The following SPATS2 variants were observed in gnomAD, a reference collection of about 807,000 sequenced individuals.
SPATS2 encodes the protein spermatogenesis-associated serine-rich protein 2.
Under a neutral mutation model 63.7 loss-of-function variants are expected in SPATS2, and 38 were observed. The ratio of observed to expected loss-of-function variants is 0.60; its 90% CI spans 0.46 to 0.78. The LOEUF (loss-of-function observed/expected upper bound fraction) is 0.78, where lower values mean the gene tolerates loss of function less well. SPATS2 is among the 30% of genes least tolerant of loss of function. The pLI, the probability that SPATS2 is intolerant of heterozygous loss-of-function variation, is 0.00. For missense variants in SPATS2, 588 were observed against 666.2 expected (o/e 0.88, Z 1.29); for synonymous variants, 207 against 232.9 (o/e 0.89, Z 1.01).
chr12:49,398,135 C>CAAAAAAAAAAAAAAAAA (rs71080193), intron 2 of SPATS2, among the ~76,000 whole-genome samples: 1 of 45,394 alleles, frequency 2.2e-5, no homozygotes, highest in Non-Finnish European at 4.1e-5. Flanking sequence ...GACCCTGTCT[C>CAAAAAAAAAAAAAAAAA]AAAAAAAAAA....
intron 2 of SPATS2, among the ~76,000 whole-genome samples, chr12:49,381,012 T>C (rs930244270): frequency 2.0e-5 from 3 of 151,984 alleles, no homozygotes; most frequent in Non-Finnish European, 4.4e-5. Context: ...CAGCAACGTA[T>C]GAGGAGTCTG....
intron 2 of SPATS2, among the ~76,000 whole-genome samples, chr12:49,409,615 T>C (rs1944760912): frequency 6.8e-6 from 1 of 146,090 alleles, no homozygotes; most frequent in Non-Finnish European, 1.5e-5. Flanking sequence ...TTTTTTTTTT[T>C]TTTTCAGATG....
At chr12:49,521,173 C>G (rs542150762) in intron 11 of SPATS2, among the ~76,000 whole-genome samples, 1 of 152,298 alleles carries the variant, frequency 6.6e-6, no homozygotes, top group Admixed American at 6.5e-5. Flanking sequence ...CACACCTGTG[C>G]CCTTTACCTC....
chr12:49,459,254 C>T (rs1310080548), intron 2 of SPATS2, among the ~76,000 whole-genome samples: 1 of 152,118 alleles, frequency 6.6e-6, no homozygotes, highest in Non-Finnish European at 1.5e-5. Context: ...GACTTGTGTG[C>T]TAGAAGATAA....
chr12:49,410,264 C>CG (rs1227183956), intron 2 of SPATS2, among the ~76,000 whole-genome samples: 2 of 151,482 alleles, frequency 1.3e-5, no homozygotes, highest in Non-Finnish European at 2.9e-5. Flanking sequence ...TTAGTAGAGA[C>CG]GGGGTTTCAC....
chr12:49,497,407 T>TCC (rs763459132), intron 8 of SPATS2, among the ~76,000 whole-genome samples: 1 of 149,276 alleles, frequency 6.7e-6, no homozygotes, highest in African/African-American at 2.5e-5. Context: ...TTTTTTTTTT[T>TCC]CCCCCGAGAC....
intron 3 of SPATS2, among the ~76,000 whole-genome samples, chr12:49,466,459 C>G (rs187105502): frequency 6.6e-6 from 1 of 152,102 alleles, no homozygotes; most frequent in South Asian, 2.1e-4. Context: ...TGAGCCACCC[C>G]GCCTGGCTGA....
Position 49,383,238 on chromosome 12 carries a change from C to T in SPATS2, c.-244+11948C>T, listed in dbSNP as rs1410147570. 4.6e-5 allele frequency among the ~76,000 whole-genome samples: 7 copies of T among 151,942 alleles called. No homozygotes were observed. The East Asian group carries it at 7.7e-4, about 17-fold the overall frequency. The stretch of plus-strand genomic sequence containing the variant: ...TTCACCATGTTTGCCAGGCTGGTCT[C>T]GAATTCCTGACCTCAGGTGATCCGC... On this transcript the variant is annotated intron_variant, in intron 2 of 13. Transcript: ENST00000552918.
chr12:49,526,339 T>C lies in SPATS2; in HGVS notation c.*84T>C. 1 of 1,455,958 alleles carries C rather than the reference T, an allele frequency of 6.9e-7. No homozygotes were observed. The highest frequency in any genetic ancestry group is 9.1e-7 in the Non-Finnish European group (1 of 1,094,762). 90.2% of individuals were successfully genotyped at this position (1,455,958 alleles called of 1,614,324 possible). A position where few individuals can be genotyped will look rare whatever the true frequency, so the allele number is the denominator to read the frequency against. On this transcript the variant is annotated 3_prime_UTR_variant, in exon 14 of 14. Coordinates refer to ENST00000552918, the MANE Select transcript of SPATS2 (RefSeq NM_023071.4). Reference sequence around the variant, plus strand: ...TTAGGAAACTTACAGTTAGATGTAATAACAAAAAGAAGTTTATGCGTATCA... The same window carrying C: ...TTAGGAAACTTACAGTTAGATGTAACAACAAAAAGAAGTTTATGCGTATCA...
chr12:49,507,090 C>G (rs1213029187), intron 9 of SPATS2, among the ~76,000 whole-genome samples: 2 of 152,170 alleles, frequency 1.3e-5, no homozygotes, highest in Non-Finnish European at 2.9e-5. Flanking sequence ...AATACTCCAT[C>G]TGAATATTCA....
At chr12:49,462,130 C>CT (rs1945831472) in intron 3 of SPATS2, 1 of 565,196 alleles carries the variant, frequency 1.8e-6, no homozygotes, top group Non-Finnish European at 3.1e-6. Context: ...TTACTTTGAC[C>CT]TTTTTAAAAC....
Position 49,495,016 on chromosome 12 carries a change from C to T in SPATS2, c.526+14C>T. The T allele has an allele frequency of 6.6e-7, 1 of 1,526,488 alleles. No individual in the cohort carries two copies. Among genetic ancestry groups the T allele is most frequent in the Non-Finnish European group, 8.8e-7 (1 of 1,135,900 alleles). The allele number at this position is 1,526,488 out of a possible 1,614,324, so 94.6% of individuals were successfully genotyped here. ...TGGATAGAACAGGTGAGTTTATTAACAGATTTTGAAAAAGTTGCATTCAGT... is the reference window on the plus strand; with the variant it reads ...TGGATAGAACAGGTGAGTTTATTAATAGATTTTGAAAAAGTTGCATTCAGT... On this transcript the variant is annotated intron_variant, in intron 7 of 13. Coordinates refer to ENST00000552918, the MANE Select transcript of SPATS2 (RefSeq NM_023071.4).
At chr12:49,505,074 T>C (rs1023931631) in intron 9 of SPATS2, among the ~76,000 whole-genome samples, 1 of 152,042 alleles carries the variant, frequency 6.6e-6, no homozygotes, top group Non-Finnish European at 1.5e-5. Context: ...CAGAGCTTTT[T>C]TTTTTAACGT....
chr12:49,435,019 T>C (rs1014102146), intron 2 of SPATS2, among the ~76,000 whole-genome samples: 10 of 149,726 alleles, frequency 6.7e-5, no homozygotes, highest in African/African-American at 2.2e-4. Flanking sequence ...CTTAACTGAA[T>C]GGCTTTTTTT....
chr12:49,518,991 C>A, intron 10 of SPATS2, 82 bp from the exon 11 acceptor site: 2 of 1,109,336 alleles, frequency 1.8e-6, no homozygotes, highest in Non-Finnish European at 2.6e-6. Context: ...TGACCAAATA[C>A]CTACTGCAAG....
chr12:49,504,220 A>G (rs1309032253), intron 9 of SPATS2, among the ~76,000 whole-genome samples: 2 of 152,210 alleles, frequency 1.3e-5, no homozygotes, highest in African/African-American at 4.8e-5. Context: ...ACAAGGCACT[A>G]GGGAAATTAT....
chr12:49,422,639 G>T (rs189550977), intron 2 of SPATS2, among the ~76,000 whole-genome samples: 4 of 152,116 alleles, frequency 2.6e-5, no homozygotes, highest in Non-Finnish European at 4.4e-5. Context: ...GGTGGCTCAC[G>T]CCTGTAATCC....
intron 2 of SPATS2, among the ~76,000 whole-genome samples, chr12:49,387,389 C>T (rs1944335067): frequency 6.6e-6 from 1 of 151,844 alleles, no homozygotes; most frequent in Admixed American, 6.6e-5. Flanking sequence ...GTAATCCCAG[C>T]ATTTTGGGAG....
At chr12:49,452,846 AT>A (rs558206000) in intron 2 of SPATS2, among the ~76,000 whole-genome samples, 1 of 150,844 alleles carries the variant, frequency 6.6e-6, no homozygotes, top group African/African-American at 2.4e-5. Context: ...TTGTTCTACT[AT>A]TTTTTTTAGT....
Sources: gnomAD v4.1 joint callset for allele counts (sites outside exome capture counted in the v4.1 genomes callset) on GRCh38, gnomAD v4.1.1 for gene constraint, MANE v1.5 for transcripts, NCBI Gene and HGNC (gene_info 2026-07-23, HGNC 2026-07-21) for gene names.